AKAP6: variants seen among roughly 807,000 people sequenced by gnomAD.
The protein encoded by AKAP6 is A-kinase anchor protein 6.
Under a neutral mutation model 188.5 loss-of-function variants are expected in AKAP6, and 58 were observed. The ratio of observed to expected loss-of-function variants is 0.31; its 90% CI spans 0.25 to 0.38. The LOEUF is 0.38. Among genes scored for constraint, AKAP6 ranks in the 10% least tolerant of loss-of-function variants. AKAP6 has a pLI of 1.00. For missense variants in AKAP6, 2,710 were observed against 2,740.0 expected, an observed-to-expected ratio of 0.99 and a Z score of 0.24; for synonymous variants, 989 against 998.6, an observed-to-expected ratio of 0.99 and a Z score of 0.18.
At chr14:32,421,788 T>G (rs529269092) in intron 1 of AKAP6, among the ~76,000 whole-genome samples, 6 of 152,270 alleles carry the variant, frequency 3.9e-5, no homozygotes, top group African/African-American at 1.4e-4. Flanking sequence ...ATGTGCCAAT[T>G]TCAGTATCTT....
intron 8 of AKAP6, among the ~76,000 whole-genome samples, chr14:32,688,546 T>C (rs1890029443): frequency 6.6e-6 from 1 of 152,196 alleles, no homozygotes; most frequent in South Asian, 2.1e-4. Context: ...AATGAAATTT[T>C]ATCTATCAGA....
In AKAP6 at chr14:32,786,299, T is replaced by TTTTTTTTTTTTTTG. The variant is rs1566710130; in HGVS notation, c.3588+12419_3588+12420insGTTTTTTTTTTTTT. 6.1e-4 allele frequency among the ~76,000 whole-genome samples: 25 copies of TTTTTTTTTTTTTTG among 40,904 alleles called. 1 individual carries two copies. Among genetic ancestry groups the TTTTTTTTTTTTTTG allele is most frequent in the African/African-American group, 2.1e-3 (21 of 10,226 alleles). 26.8% of individuals were successfully genotyped at this position (40,904 alleles called of 152,430 possible). On this transcript the variant is annotated intron_variant, in intron 12 of 13. Transcript: ENST00000280979. ...CCTCTGAAAGACCTAAACCTTTATC[T>TTTTTTTTTTTTTTG]TTTTTTTTTTTTTTTTTTTTTTTTT...
chr14:32,636,577 C>T (rs1887498033), intron 7 of AKAP6, among the ~76,000 whole-genome samples: 1 of 151,936 alleles, frequency 6.6e-6, no homozygotes. Context: ...GCTGTGAGTG[C>T]AGTGTGGTAA....
chr14:32,717,922 A>G (rs2139775819), intron 9 of AKAP6, among the ~76,000 whole-genome samples: 1 of 152,214 alleles, frequency 6.6e-6, no homozygotes, highest in Non-Finnish European at 1.5e-5. Flanking sequence ...GCCTACGCCA[A>G]ATGAATCTGG....
chr14:32,654,184 A>G lies in AKAP6; in HGVS notation c.2731-24127A>G, dbSNP rs149484089. On this transcript the variant is annotated intron_variant, in intron 7 of 13. Transcript: ENST00000280979. Reference sequence around the variant, plus strand: ...TTCTCTTTCAAAAAATGTCATACTCAATTTAATATTGGTGTGTTGTTTGCA... The same window carrying G: ...TTCTCTTTCAAAAAATGTCATACTCGATTTAATATTGGTGTGTTGTTTGCA... Among the ~76,000 whole-genome samples, 353 of 152,270 alleles carry G rather than the reference A, an allele frequency of 2.3e-3. 1 individual carries two copies. The highest frequency in any genetic ancestry group is 8.3e-3 in the African/African-American group (343 of 41,556).
rs141424968 is a variant in AKAP6 at position 32,821,878 on chromosome 14, C to T, written c.4065C>T (p.Asp1355=). The stretch of plus-strand genomic sequence containing the variant: ...AGCCCTGCGCATGTCATGGAGGAGA[C>T]ATGAGCCAGAATTCAGGCAGTGAGA... The part of the protein sequence containing the change: ...LVKPCACHGG[D]MSQNSGSESG... Residue 1355 remains aspartate (D), a synonymous_variant, in exon 13 of 14, where the codon GAC becomes GAT. Coordinates refer to ENST00000280979, the MANE Select transcript of AKAP6 (RefSeq NM_004274.5). 3.7e-6 allele frequency: 6 copies of T among 1,613,760 alleles called. No homozygotes were observed. Among genetic ancestry groups the T allele is most frequent in the Non-Finnish European group, 4.2e-6 (5 of 1,179,928 alleles).
chr14:32,824,976 G>C (rs1188041050), intron 13 of AKAP6, among the ~76,000 whole-genome samples, 161 bp downstream of exon 13: 2 of 150,756 alleles, frequency 1.3e-5, no homozygotes, highest in Admixed American at 1.3e-4. Context: ...GAAAGTAACT[G>C]TGAAGCAAAA....
intron 7 of AKAP6, among the ~76,000 whole-genome samples, chr14:32,622,627 A>G (rs191305876): frequency 6.6e-6 from 1 of 152,290 alleles, no homozygotes; most frequent in Admixed American, 6.5e-5. Flanking sequence ...ATATGAAATT[A>G]TCGGAGTTGG....
rs572573012 is a variant in AKAP6, at chr14:32,403,839, T to C, written c.-34-29621T>C. Among the ~76,000 whole-genome samples, 3 of 152,338 alleles carry C rather than the reference T, an allele frequency of 2.0e-5. No individual in the cohort carries two copies. The South Asian group carries it at 6.2e-4, about 32-fold the overall frequency. ...ATGAATACCGATTAGCCATGGTAAA[T>C]GTATCTTCTGCAGCCCTTCTCACCA... On this transcript the variant is annotated intron_variant, in intron 1 of 13. Coordinates refer to ENST00000280979, the MANE Select transcript of AKAP6 (RefSeq NM_004274.5).
In AKAP6 at chr14:32,773,797, G is replaced by A; in HGVS notation, c.3492G>A (p.Gln1164=). The change falls in exon 12 of 14, where the codon CAG becomes CAA. Residue 1164 remains glutamine, a synonymous_variant. Coordinates refer to ENST00000280979, the MANE Select transcript of AKAP6 (RefSeq NM_004274.5). ...CNLNADHQPM[Q]LIIVNLERRW... The stretch of plus-strand genomic sequence containing the variant: ...TGAATGCAGACCACCAGCCCATGCA[G>A]CTGATCATTGTAAATCTTGAAAGAA... 1 of 1,614,140 alleles carries A rather than the reference G, an allele frequency of 6.2e-7. No homozygotes were observed. The highest frequency in any genetic ancestry group is 8.5e-7 in the Non-Finnish European group (1 of 1,180,006).
chr14:32,455,736 A>G (rs1891126826), intron 2 of AKAP6, among the ~76,000 whole-genome samples: 1 of 152,056 alleles, frequency 6.6e-6, no homozygotes, highest in African/African-American at 2.4e-5. Context: ...AAACCTTGTA[A>G]TCTCTGTCCT....
chr14:32,822,854 A>G lies in AKAP6; in HGVS notation c.5041A>G (p.Asn1681Asp). The G allele has an allele frequency of 6.2e-7, 1 of 1,613,924 alleles. No individual in the cohort carries two copies. The highest frequency in any genetic ancestry group is 8.5e-7 in the Non-Finnish European group (1 of 1,179,912). ...QMSLDIASSI[N>D]EDSAASLTEL... ...GTCATTGGACATAGCATCTTCTATC[A>G]ATGAAGACTCAGCGGCATCTCTAAC... The change falls in exon 13 of 14, where the codon AAT becomes GAT. Residue 1681 changes from asparagine (N) to aspartate (D), a missense_variant. Asn to Asp is a conservative substitution (Grantham distance 23, BLOSUM62 1). Around this residue, in one of 2 missense-constraint regions of AKAP6, gnomAD observed 2,473 missense variants for 2,426.1 expected, o/e 1.02. Coordinates refer to ENST00000280979, the MANE Select transcript of AKAP6 (RefSeq NM_004274.5).
At chr14:32,702,646 T>G (rs1318213077) in intron 9 of AKAP6, among the ~76,000 whole-genome samples, 1 of 152,084 alleles carries the variant, frequency 6.6e-6, no homozygotes, top group Non-Finnish European at 1.5e-5. Flanking sequence ...CGCCAGCAGT[T>G]TTTGTCTCTA....
intron 1 of AKAP6, among the ~76,000 whole-genome samples, chr14:32,360,002 G>A (rs1048755491): frequency 3.3e-5 from 5 of 152,296 alleles, no homozygotes; most frequent in Middle Eastern, 3.4e-3. Flanking sequence ...CAAGGGAAGA[G>A]AAATTGAGTT....
At chr14:32,536,597 A>G (rs1175880682) in intron 3 of AKAP6, among the ~76,000 whole-genome samples, 2 of 152,218 alleles carry the variant, frequency 1.3e-5, no homozygotes, top group African/African-American at 4.8e-5. Flanking sequence ...TTCATGTTTT[A>G]GAAGAATCAT....
chr14:32,380,892 G>T (rs1394573561), intron 1 of AKAP6, among the ~76,000 whole-genome samples: 2 of 149,928 alleles, frequency 1.3e-5, no homozygotes, highest in African/African-American at 4.9e-5. Flanking sequence ...TTACAAAAGA[G>T]TTTTTTTTTT....
intron 7 of AKAP6, among the ~76,000 whole-genome samples, chr14:32,658,086 G>A (rs1262815774): frequency 6.6e-6 from 1 of 152,102 alleles, no homozygotes; most frequent in African/African-American, 2.4e-5. Flanking sequence ...GGTATTAAAT[G>A]TCTTCAGAAA....
At chr14:32,411,520 A>G (rs1449728689) in intron 1 of AKAP6, among the ~76,000 whole-genome samples, 2 of 151,982 alleles carry the variant, frequency 1.3e-5, no homozygotes, top group Non-Finnish European at 2.9e-5. Context: ...AGAGAGGCAG[A>G]CTCCCAAGAG....
At chr14:32,453,821 A>G (rs373343311) in intron 2 of AKAP6, among the ~76,000 whole-genome samples, 3,476 of 147,874 alleles carry the variant, frequency 0.024, 75 homozygotes, top group East Asian at 0.068. Context: ...TCCTGACCTC[A>G]TGATCCGCCC....
Sources: gnomAD v4.1 joint callset for allele counts (sites outside exome capture counted in the v4.1 genomes callset) on GRCh38, gnomAD v4.1.1 for gene constraint, gnomAD v4.1.1 regional missense constraint, MANE v1.5 for transcripts, NCBI Gene and HGNC (gene_info 2026-07-23, HGNC 2026-07-21) for gene names.